The following DCT variants were observed in gnomAD, a reference collection of about 807,000 sequenced individuals.
The protein encoded by DCT is L-dopachrome tautomerase.
In DCT, 47 loss-of-function variants were observed where a neutral mutation model predicts 53.0. The observed-to-expected ratio is 0.89, with a 90% confidence interval of 0.70 to 1.13. The LOEUF (loss-of-function observed/expected upper bound fraction) is 1.13. Among genes scored for constraint, DCT ranks in the 50% most tolerant of loss-of-function variants. The pLI is 0.00. For synonymous variants in DCT, 244 were observed against 237.0 expected (o/e 1.03, Z -0.27); for missense variants, 669 against 637.4 (o/e 1.05, Z -0.53).
chr13:94,491,699 G>C, the DCT span, among the ~76,000 whole-genome samples: 22,646 of 152,046 alleles, frequency 0.15, 1,880 homozygotes, highest in South Asian at 0.28. Flanking sequence ...AAGAGAAGTG[G>C]GTCACCATCA....
chr13:94,487,287 T>C, the DCT span, among the ~76,000 whole-genome samples: 4 of 152,216 alleles, frequency 2.6e-5, no homozygotes, highest in African/African-American at 9.6e-5. Context: ...AGTAGAAAAG[T>C]GCCTTATTAG....
the DCT span, among the ~76,000 whole-genome samples, chr13:94,540,063 A>G: frequency 6.6e-6 from 1 of 152,258 alleles, no homozygotes; most frequent in Admixed American, 6.5e-5. Flanking sequence ...TTCATTGTGT[A>G]CTTCCTTTTC....
intron 1 of DCT, among the ~76,000 whole-genome samples, chr13:94,478,461 A>G (rs1326522728): frequency 6.6e-6 from 1 of 152,136 alleles, no homozygotes; most frequent in African/African-American, 2.4e-5. Context: ...ACGGTGACAA[A>G]GCGAGACTCC....
At chr13:94,533,547 A>C in the DCT span, among the ~76,000 whole-genome samples, 2 of 152,142 alleles carry the variant, frequency 1.3e-5, no homozygotes, top group Non-Finnish European at 2.9e-5. Flanking sequence ...CACTTTGGGA[A>C]ACCAACATGG....
chr13:94,499,089 T>C, the DCT span, among the ~76,000 whole-genome samples: 1 of 152,168 alleles, frequency 6.6e-6, no homozygotes, highest in African/African-American at 2.4e-5. Flanking sequence ...CTGTGGAAGC[T>C]TTGTTCTTTC....
chr13:94,457,313 A>T (rs1214183239), intron 6 of DCT, among the ~76,000 whole-genome samples: 3 of 152,166 alleles, frequency 2.0e-5, no homozygotes, highest in Admixed American at 2.0e-4. Flanking sequence ...TGAGGTCAGA[A>T]CCATAGGGCC....
intron 6 of DCT, among the ~76,000 whole-genome samples, chr13:94,459,842 T>C (rs1006721542): frequency 1.3e-5 from 2 of 152,194 alleles, no homozygotes; most frequent in African/African-American, 4.8e-5. Context: ...ATTTATGAAT[T>C]CACCAGTGGA....
At chr13:94,501,021 C>T in the DCT span, among the ~76,000 whole-genome samples, 2 of 151,958 alleles carry the variant, frequency 1.3e-5, no homozygotes, top group African/African-American at 2.4e-5. Context: ...GAATTTGGCA[C>T]TTTGGGAGGC....
At chr13:94,491,093 G>C in the DCT span, among the ~76,000 whole-genome samples, 1 of 152,278 alleles carries the variant, frequency 6.6e-6, no homozygotes, top group African/African-American at 2.4e-5. Context: ...AACAAGAAAA[G>C]TCAGGGCGCT....
At chr13:94,540,489 G>C in the DCT span, among the ~76,000 whole-genome samples, 2 of 152,176 alleles carry the variant, frequency 1.3e-5, no homozygotes, top group African/African-American at 2.4e-5. Flanking sequence ...ATTTTAAAAT[G>C]GGCAAAAGAT....
chr13:94,456,304 C>T (rs1883411080), intron 6 of DCT, among the ~76,000 whole-genome samples: 1 of 152,196 alleles, frequency 6.6e-6, no homozygotes, highest in South Asian at 2.1e-4. Context: ...ATGCTTTAAT[C>T]TATCTAGGAG....
At chr13:94,533,700 A>G in the DCT span, among the ~76,000 whole-genome samples, 3 of 152,090 alleles carry the variant, frequency 2.0e-5, no homozygotes. Context: ...CAGGAGAATC[A>G]CTTGAACCCA....
chr13:94,459,455 G>A (rs1883631643), intron 6 of DCT, among the ~76,000 whole-genome samples: 1 of 152,180 alleles, frequency 6.6e-6, no homozygotes, highest in African/African-American at 2.4e-5. Flanking sequence ...CTTGGAAAAT[G>A]TTCATAATTT....
the DCT span, among the ~76,000 whole-genome samples, chr13:94,529,227 TC>T: frequency 6.6e-6 from 1 of 152,150 alleles, no homozygotes; most frequent in Non-Finnish European, 1.5e-5. Flanking sequence ...ATTAGACAGA[TC>T]AATGAGACAG....
chr13:94,452,660 C>T (rs1242306731), intron 6 of DCT: 5 of 761,560 alleles, frequency 6.6e-6, no homozygotes, highest in Non-Finnish European at 9.7e-6. Flanking sequence ...GATTAGAAAT[C>T]ACCTAAATGT....
chr13:94,507,979 G>T, the DCT span, among the ~76,000 whole-genome samples: 2 of 152,080 alleles, frequency 1.3e-5, no homozygotes, highest in African/African-American at 4.8e-5. Flanking sequence ...ACATGAAAGG[G>T]CCTTATATAC....
chr13:94,536,285 T>C, the DCT span, among the ~76,000 whole-genome samples: 1,357 of 152,226 alleles, frequency 8.9e-3, 17 homozygotes, highest in African/African-American at 0.03. Flanking sequence ...CAGAGTAATG[T>C]TCTGGGAGCA....
chr13:94,519,336 T>C, the DCT span, among the ~76,000 whole-genome samples: 1 of 152,140 alleles, frequency 6.6e-6, no homozygotes, highest in Non-Finnish European at 1.5e-5. Flanking sequence ...TGGGCCCTAG[T>C]AGGTAAGCGA....
At chr13:94,464,647 A>G (rs1036825433) in intron 4 of DCT, among the ~76,000 whole-genome samples, 1 of 151,920 alleles carries the variant, frequency 6.6e-6, no homozygotes, top group Non-Finnish European at 1.5e-5. Flanking sequence ...TCAAAAAAAC[A>G]AAAAAACAAA....
Sources: allele counts gnomAD v4.1 joint callset (sites outside exome capture counted in the v4.1 genomes callset), GRCh38; gene constraint gnomAD v4.1.1; transcripts MANE v1.5; gene names NCBI Gene and HGNC (gene_info 2026-07-23, HGNC 2026-07-21).